The following ANO10 variants were observed in gnomAD, a reference collection of about 807,000 sequenced individuals.
ANO10 encodes anoctamin 10.
ANO10 carries 77 observed loss-of-function variants against 74.7 expected under a neutral mutation model. The observed-to-expected ratio is 1.03, with a 90% CI of 0.86 to 1.25. The LOEUF is 1.25. ANO10 is among the 50% of genes most tolerant of loss of function. ANO10 has a pLI of 0.00. For synonymous variants in ANO10, 279 were observed against 284.9 expected, an observed-to-expected ratio of 0.98 and a Z score of 0.21; for missense variants, 721 against 778.1, an observed-to-expected ratio of 0.93 and a Z score of 0.87.
At chr3:43,401,342 C>G (rs1355362623) in intron 12 of ANO10, among the ~76,000 whole-genome samples, 1 of 152,138 alleles carries the variant, frequency 6.6e-6, no homozygotes, top group East Asian at 1.9e-4. Context: ...TCAAAAATTC[C>G]CTTGCAGGCT....
In ANO10 at chr3:43,678,142, T is replaced by C. The variant is rs113155007; in HGVS notation, c.-12+13375A>G. Among the ~76,000 whole-genome samples, 1,422 of 152,320 alleles carry C rather than the reference T, an allele frequency of 9.3e-3. 23 individuals are homozygous for C. The highest frequency in any genetic ancestry group is 0.032 in the African/African-American group (1,350 of 41,564). On this transcript the variant is annotated intron_variant, in intron 1 of 3. Coordinates refer to the ANO10 transcript ENST00000413397. Reference sequence around the variant, plus strand: ...TTAAATGTCCTGAGCACTCTTACATTAGCCTACTGTTATGCAAAACCATCT... The same window carrying C: ...TTAAATGTCCTGAGCACTCTTACATCAGCCTACTGTTATGCAAAACCATCT...
At chr3:43,567,741 A>G (rs2080448813) in intron 7 of ANO10, among the ~76,000 whole-genome samples, 1 of 152,154 alleles carries the variant, frequency 6.6e-6, no homozygotes, top group African/African-American at 2.4e-5. Flanking sequence ...GCCAAAATGT[A>G]AAGACCATCG....
At chr3:43,684,666 G>A (rs541602751) in intron 1 of ANO10, among the ~76,000 whole-genome samples, 203 of 152,266 alleles carry the variant, frequency 1.3e-3, no homozygotes, top group Non-Finnish European at 2.2e-3. Flanking sequence ...CAATAGCAAA[G>A]ACTTGGAACC....
At chr3:43,672,462 T>C (rs1240895843) in intron 1 of ANO10, among the ~76,000 whole-genome samples, 1 of 151,900 alleles carries the variant, frequency 6.6e-6, no homozygotes, top group Non-Finnish European at 1.5e-5. Flanking sequence ...GCCTGGGAGG[T>C]CGAGGCTGCA....
At chr3:43,482,596 C>T (rs2076316458) in intron 11 of ANO10, among the ~76,000 whole-genome samples, 1 of 152,162 alleles carries the variant, frequency 6.6e-6, no homozygotes, top group Non-Finnish European at 1.5e-5. Context: ...CAAAGATGGC[C>T]AGGCATGACC....
intron 2 of ANO10, 43 bp downstream of exon 2, chr3:43,605,671 G>A: frequency 6.2e-7 from 1 of 1,607,072 alleles, no homozygotes; most frequent in Non-Finnish European, 8.5e-7. Context: ...AGCATACAGT[G>A]TGGGAGGCCA....
chr3:43,598,602 A>G lies in ANO10; in HGVS notation c.402T>C (p.Asn134=). 2.5e-6 allele frequency: 4 copies of G among 1,612,304 alleles called. No individual in the cohort carries two copies. Among genetic ancestry groups the G allele is most frequent in the Non-Finnish European group, 3.4e-6 (4 of 1,179,168 alleles). ...TCATTTTTTCATCTTTAGCTCTAAG[A>G]TTTTCAAGTTCATGTTTGATAATGA... is the stretch of plus-strand genomic sequence containing the variant. The part of the protein sequence containing the change: ...CQFIIKHELE[N]LRAKDEKMIP... Residue 134 remains asparagine (N), a synonymous_variant, in exon 4 of 13, where the codon AAT becomes AAC. Transcript: ENST00000292246.
chr3:43,372,866 A>G, intron 12 of ANO10: 1 of 1,534,496 alleles, frequency 6.5e-7, no homozygotes, highest in Non-Finnish European at 8.7e-7. Context: ...GCAGCCAGAG[A>G]AATTCTAATT....
intron 11 of ANO10, among the ~76,000 whole-genome samples, chr3:43,545,310 TAA>T (rs1383565526): frequency 1.3e-5 from 2 of 152,164 alleles, no homozygotes; most frequent in Non-Finnish European, 2.9e-5. Flanking sequence ...GATTTTCAGA[TAA>T]AAGAGAAAAA....
chr3:43,656,668 G>A (rs944290219), intron 1 of ANO10, among the ~76,000 whole-genome samples: 2 of 152,220 alleles, frequency 1.3e-5, no homozygotes, highest in Non-Finnish European at 1.5e-5. Flanking sequence ...CCGCTGGCCC[G>A]GATGCTAAGT....
intron 11 of ANO10, among the ~76,000 whole-genome samples, chr3:43,446,358 AGAAGAAAGGG>A (rs1466717536): frequency 6.6e-6 from 1 of 152,236 alleles, no homozygotes; most frequent in Admixed American, 6.5e-5. Context: ...CAGTGGATAT[AGAAGAAAGGG>A]GATGAAAGAA....
intron 11 of ANO10, among the ~76,000 whole-genome samples, chr3:43,516,008 T>C (rs2077695491): frequency 6.6e-6 from 1 of 152,220 alleles, no homozygotes; most frequent in South Asian, 2.1e-4. Flanking sequence ...ATTATCATTC[T>C]CTTCGTGATC....
chr3:43,609,845 T>G (rs1051546503), intron 1 of ANO10, among the ~76,000 whole-genome samples: 2 of 152,170 alleles, frequency 1.3e-5, no homozygotes, highest in African/African-American at 4.8e-5. Flanking sequence ...TACACCTGTA[T>G]AGGGTATTTA....
At chr3:43,681,007 G>A (rs1353241006) in intron 1 of ANO10, among the ~76,000 whole-genome samples, 1 of 152,164 alleles carries the variant, frequency 6.6e-6, no homozygotes, top group African/African-American at 2.4e-5. Flanking sequence ...AGGCTAGGAG[G>A]AAACTGCATC....
intron 11 of ANO10, among the ~76,000 whole-genome samples, chr3:43,538,225 T>C (rs544286275): frequency 1.3e-5 from 2 of 152,276 alleles, no homozygotes; most frequent in East Asian, 3.9e-4. Context: ...GTTTGGGGTA[T>C]TGTTAATGTG....
At chr3:43,429,242 G>C (rs2092945519) in intron 12 of ANO10, among the ~76,000 whole-genome samples, 1 of 152,162 alleles carries the variant, frequency 6.6e-6, no homozygotes, top group Non-Finnish European at 1.5e-5. Flanking sequence ...TGGTGGTGGT[G>C]AGGGAGGTTC....
intron 12 of ANO10, among the ~76,000 whole-genome samples, chr3:43,403,922 T>A (rs932411109): frequency 2.6e-5 from 4 of 152,074 alleles, no homozygotes; most frequent in African/African-American, 9.7e-5. Context: ...CTGGTAACCA[T>A]ACCTTGTATA....
At chr3:43,568,694 A>G (rs1364770296) in intron 7 of ANO10, among the ~76,000 whole-genome samples, 1 of 149,236 alleles carries the variant, frequency 6.7e-6, no homozygotes, top group Admixed American at 6.7e-5. Context: ...CAGTGTGTAG[A>G]GGGAAATTTA....
At chr3:43,425,072 T>C (rs2092877803) in intron 12 of ANO10, among the ~76,000 whole-genome samples, 1 of 152,208 alleles carries the variant, frequency 6.6e-6, no homozygotes, top group Admixed American at 6.5e-5. Context: ...ATTTAACATT[T>C]CATTCTGAAC....
Sources: gnomAD v4.1 joint callset for allele counts (sites outside exome capture counted in the v4.1 genomes callset) on GRCh38, gnomAD v4.1.1 for gene constraint, MANE v1.5 for transcripts, NCBI Gene and HGNC (gene_info 2026-07-23, HGNC 2026-07-21) for gene names.